SERPINB4: variants seen among roughly 807,000 people sequenced by gnomAD.
SERPINB4 encodes the protein serpin family B member 4.
In SERPINB4, 39 loss-of-function variants were observed where a neutral mutation model predicts 33.2. The ratio of observed to expected loss-of-function variants is 1.18; its 90% CI spans 0.91 to 1.53. The LOEUF is 1.53. Ranked by LOEUF, SERPINB4 falls within the 40% of genes most tolerant of loss-of-function variation. SERPINB4 has a pLI of 0.00. For synonymous variants in SERPINB4, 191 were observed against 166.4 expected, an observed-to-expected ratio of 1.15 and a Z score of -1.14; for missense variants, 564 against 455.4, an observed-to-expected ratio of 1.24 and a Z score of -2.17.
At chr18:63,640,622 T>C (rs1269254912) in intron 5 of SERPINB4, among the ~76,000 whole-genome samples, 1 of 152,108 alleles carries the variant, frequency 6.6e-6, no homozygotes, top group African/African-American at 2.4e-5. Context: ...CACAAAGCTA[T>C]TGTCATGCAG....
chr18:63,642,925 C>G (rs531848686), intron 3 of SERPINB4: 2 of 535,264 alleles, frequency 3.7e-6, no homozygotes, highest in Non-Finnish European at 6.6e-6. Flanking sequence ...AGTCTGAACC[C>G]AGCCTATCCT....
rs1395408573 is a variant in SERPINB4 at position 63,642,016 on chromosome 18, A to T, written c.223-128T>A. The T allele has an allele frequency of 1.2e-5, 16 of 1,367,618 alleles. 1 individual carries two copies. The highest frequency in any genetic ancestry group is 1.1e-5 in the Non-Finnish European group (11 of 992,606). 84.7% of individuals were successfully genotyped at this position (1,367,618 alleles called of 1,614,324 possible). On this transcript the variant is annotated intron_variant, in intron 3 of 7. Transcript: ENST00000341074. ...TGAGGACCTTTGATGTTATTCCCTG[A>T]TAATTGGTGTATTTCACCTCAAATA...
chr18:63,640,765 C>G, intron 5 of SERPINB4, 109 bp downstream of exon 5: 1 of 895,582 alleles, frequency 1.1e-6, no homozygotes, highest in South Asian at 1.6e-5. Flanking sequence ...TTCAGCCCTC[C>G]CTGCAAACCC....
At chr18:63,639,514 C>T (rs1913052758) in intron 6 of SERPINB4, 120 bp downstream of exon 6, 1 of 1,022,538 alleles carries the variant, frequency 9.8e-7, no homozygotes, top group African/African-American at 1.6e-5. Flanking sequence ...AAGAGTAAAA[C>T]AACAAAATAA....
At position 63,639,670 on chromosome 18, in the gene SERPINB4, T is replaced by A; in HGVS notation, c.576A>T (p.Lys192Asn). 1 of 1,610,854 alleles carries A rather than the reference T, an allele frequency of 6.2e-7. No homozygotes were observed. The highest frequency in any genetic ancestry group is 1.3e-5 in the African/African-American group (1 of 74,950). The change falls in exon 6 of 8, where the codon AAA becomes AAT. Residue 192 changes from lysine (K) to asparagine (N), a missense_variant. Transcript: ENST00000341074. The stretch of plus-strand genomic sequence containing the variant: ...AAAATTTTTCCTCTTTAGTGTTTTC[T>A]TTTTTAAATTTATTCTCCCACTGCC... ...FKGQWENKFK[K>N]ENTKEEKFWP...
chr18:63,642,483 T>C (rs560720943), intron 3 of SERPINB4, among the ~76,000 whole-genome samples: 1 of 152,132 alleles, frequency 6.6e-6, no homozygotes, highest in Admixed American at 6.5e-5. Flanking sequence ...GCTCAGAGAA[T>C]GGGGAAAAAA....
rs151165040 is a variant in SERPINB4 at position 63,643,693 on chromosome 18, G to T, written c.-26-90C>A. On this transcript the variant is annotated intron_variant, in intron 1 of 7. Coordinates refer to ENST00000341074, the MANE Select transcript of SERPINB4 (RefSeq NM_002974.4). ...TTTTCTTAAAGAAATGATATATCTG[G>T]GTTGTGAGATTTTGACATTTAAAGT... 4,042 of 1,398,864 alleles carry T rather than the reference G, an allele frequency of 2.9e-3. 9 individuals carry two copies. Among genetic ancestry groups the T allele is most frequent in the Admixed American group, 3.8e-3 (169 of 44,784 alleles). The allele number at this position is 1,398,864 out of a possible 1,614,324, so 86.7% of individuals were successfully genotyped here. A position where few individuals can be genotyped will look rare whatever the true frequency, so the allele number is the denominator to read the frequency against.
intron 3 of SERPINB4, among the ~76,000 whole-genome samples, chr18:63,642,386 G>A (rs939886555): frequency 2.6e-5 from 4 of 152,074 alleles, no homozygotes; most frequent in African/African-American, 4.8e-5. Context: ...TTCTCTGCAC[G>A]TAAGAAGAGT....
chr18:63,637,726 G>A lies in SERPINB4; in HGVS notation c.1166C>T (p.Ser389Phe), dbSNP rs759984707. The change falls in exon 8 of 8, where the codon TCC (serine) becomes TTC (phenylalanine). Residue 389 changes from serine (S) to phenylalanine (F), a missense_variant. Ser to Phe is a radical substitution (Grantham distance 155, BLOSUM62 -2). Transcript: ENST00000341074. ...NSILFYGRFS[S>F]P ...GTGACAGACTAATTGCATCTATGGG[G>A]ATGAGAATCTGCCATAGAAGAGGAT... is the stretch of plus-strand genomic sequence containing the variant. 5 of 1,603,544 alleles carry A rather than the reference G, an allele frequency of 3.1e-6. No individual in the cohort carries two copies. Among genetic ancestry groups the A allele is most frequent in the African/African-American group, 1.3e-5 (1 of 74,606 alleles).
At chr18:63,642,748 A>C (rs1913177863) in intron 3 of SERPINB4, 2 of 160,012 alleles carry the variant, frequency 1.2e-5, no homozygotes, top group African/African-American at 4.8e-5. Context: ...TAATAATAAT[A>C]ACATTTATTA....
chr18:63,642,251 G>C (rs185155911), intron 3 of SERPINB4, among the ~76,000 whole-genome samples: 52 of 152,224 alleles, frequency 3.4e-4, no homozygotes, highest in Admixed American at 3.3e-3. Flanking sequence ...AGTCATCAAG[G>C]ATACGAGTAT....
At position 63,639,193 on chromosome 18, in the gene SERPINB4, G is replaced by T. The variant is rs768448621; in HGVS notation, c.760C>A (p.Leu254Met). The T allele has an allele frequency of 2.0e-5, 32 of 1,607,894 alleles. No homozygotes were observed. The highest frequency in any genetic ancestry group is 2.6e-5 in the Non-Finnish European group (31 of 1,176,354). The change falls in exon 7 of 8, where the codon CTG (leucine) becomes ATG (methionine). Residue 254 changes from leucine to methionine, a missense_variant. Transcript: ENST00000341074. Reference protein sequence around the residue: ...IVLLPNEIDGLQKLEEKLTAE... With the variant: ...IVLLPNEIDGMQKLEEKLTAE... ...TAGATGCAAGTTCTTACCTTCTGCA[G>T]ACCATCGATTTCATTTGGCAGCAGC... is the stretch of plus-strand genomic sequence containing the variant.
chr18:63,639,668 T>A lies in SERPINB4; in HGVS notation c.578A>T (p.Glu193Val). ...CCAAAATTTTTCCTCTTTAGTGTTT[T>A]CTTTTTTAAATTTATTCTCCCACTG... ...KGQWENKFKKENTKEEKFWPN... is the reference protein window; with the variant it reads ...KGQWENKFKKVNTKEEKFWPN... Residue 193 changes from glutamate (E) to valine (V), a missense_variant, in exon 6 of 8, where the codon GAA (glutamate) becomes GTA (valine). Coordinates refer to ENST00000341074, the MANE Select transcript of SERPINB4 (RefSeq NM_002974.4). The A allele has an allele frequency of 6.2e-7, 1 of 1,610,810 alleles. No homozygotes were observed. The highest frequency in any genetic ancestry group is 8.5e-7 in the Non-Finnish European group (1 of 1,177,578).
At chr18:63,643,664 A>T (rs1239491625) in intron 1 of SERPINB4, 61 bp from the exon 2 acceptor site, 14 of 1,510,124 alleles carry the variant, frequency 9.3e-6, no homozygotes, top group African/African-American at 2.8e-5. Flanking sequence ...ATTTTGTAGT[A>T]CAATTTTCTT....
At chr18:63,640,633 G>A (rs1843883661) in intron 5 of SERPINB4, among the ~76,000 whole-genome samples, 1 of 151,958 alleles carries the variant, frequency 6.6e-6, no homozygotes, top group African/African-American at 2.4e-5. Context: ...TGTCATGCAG[G>A]GCCATAAGCA....
Position 63,639,619 on chromosome 18 carries a change from A to T in SERPINB4, c.612+15T>A. The T allele has an allele frequency of 6.8e-7, 1 of 1,478,464 alleles. No homozygotes were observed. The highest frequency in any genetic ancestry group is 9.4e-7 in the Non-Finnish European group (1 of 1,061,666). 91.6% of individuals were successfully genotyped at this position (1,478,464 alleles called of 1,614,324 possible). ...ATTAACATATTACACTATATAAATA[A>T]AATATAGACAATACCTTGTTTGGCC... is the stretch of plus-strand genomic sequence containing the variant. On this transcript the variant is annotated intron_variant, in intron 6 of 7. Transcript: ENST00000341074.
chr18:63,637,395 T>G lies in SERPINB4; in HGVS notation c.*324A>C. Reference sequence around the variant, plus strand: ...TGCTAAATTTGAAGAGAAAGTATGATTTGGTTTGGTTCATTTAAAACAGGT... The same window carrying G: ...TGCTAAATTTGAAGAGAAAGTATGAGTTGGTTTGGTTCATTTAAAACAGGT... On this transcript the variant is annotated 3_prime_UTR_variant, in exon 8 of 8. Transcript: ENST00000341074. 6.5e-5 allele frequency: 13 copies of G among 200,408 alleles called. No individual in the cohort carries two copies. The highest frequency in any genetic ancestry group is 2.2e-4 in the East Asian group (2 of 8,920). 12.4% of individuals were successfully genotyped at this position (200,408 alleles called of 1,614,324 possible).
At chr18:63,640,740 A>G in intron 5 of SERPINB4, 134 bp downstream of exon 5, 2 of 678,754 alleles carry the variant, frequency 2.9e-6, no homozygotes, top group Non-Finnish European at 2.5e-6. Flanking sequence ...CAAATCCTTC[A>G]TCTGGAGTGC....
At chr18:63,641,578 G>A (rs1913131654) in intron 4 of SERPINB4, among the ~76,000 whole-genome samples, 182 bp downstream of exon 4, 1 of 152,076 alleles carries the variant, frequency 6.6e-6, no homozygotes, top group Non-Finnish European at 1.5e-5. Context: ...CTTCAGTGAT[G>A]TATCGTTGGG....
Sources: gnomAD v4.1 joint callset for allele counts (sites outside exome capture counted in the v4.1 genomes callset) on GRCh38, gnomAD v4.1.1 for gene constraint, MANE v1.5 for transcripts, NCBI Gene and HGNC (gene_info 2026-07-23, HGNC 2026-07-21) for gene names.